Variants in SYNPR observed in about 807,000 individuals in gnomAD.
SYNPR encodes the protein synaptoporin.
SYNPR carries 23 observed loss-of-function variants against 32.9 expected under a neutral mutation model. That is an observed-to-expected ratio of 0.70 (90% CI 0.50 to 0.99). The LOEUF (loss-of-function observed/expected upper bound fraction) is 0.99. SYNPR is among the 50% of genes least tolerant of loss of function. The probability of loss-of-function intolerance (pLI) is 0.00; values close to 1 mark genes in which losing one functional copy is unlikely to be tolerated. For missense variants in SYNPR, 318 were observed against 349.3 expected (o/e 0.91, Z 0.71); for synonymous variants, 146 against 135.9 (o/e 1.07, Z -0.52).
intron 2 of SYNPR, among the ~76,000 whole-genome samples, chr3:63,476,147 AAGGGAGGGAGGGAGGGAGGGAGGGAGG>A (rs1700904281): frequency 5.4e-4 from 11 of 20,310 alleles, no homozygotes; most frequent in African/African-American, 3.1e-3. Context: ...GGAAGGAAGG[AAGGGAGGGAGGGAGGGAGGGAGGGAGG>A]GAAGGAAGGG....
At chr3:63,432,739 G>A (rs1374522191) in intron 2 of SYNPR, among the ~76,000 whole-genome samples, 1 of 152,182 alleles carries the variant, frequency 6.6e-6, no homozygotes, top group Non-Finnish European at 1.5e-5. Context: ...CCTGCAGGCA[G>A]CTTCTCTCAC....
intron 2 of SYNPR, among the ~76,000 whole-genome samples, chr3:63,451,545 C>CCTGTTA (rs1225254711): frequency 6.6e-6 from 1 of 152,064 alleles, no homozygotes; most frequent in Non-Finnish European, 1.5e-5. Flanking sequence ...TTCTTAAGAC[C>CCTGTTA]CTGTTACCCC....
At chr3:63,609,780 C>A (rs187810912) in intron 5 of SYNPR, among the ~76,000 whole-genome samples, 2 of 152,066 alleles carry the variant, frequency 1.3e-5, no homozygotes, top group African/African-American at 2.4e-5. Context: ...CACGGTGGCT[C>A]ATGCCTATAG....
chr3:63,515,195 C>G (rs981892892), intron 3 of SYNPR, among the ~76,000 whole-genome samples: 1 of 151,910 alleles, frequency 6.6e-6, no homozygotes, highest in African/African-American at 2.4e-5. Flanking sequence ...TGCTTTCAGC[C>G]TTCAAAACAT....
intron 2 of SYNPR, among the ~76,000 whole-genome samples, chr3:63,399,718 C>T (rs1392412494): frequency 1.3e-5 from 2 of 152,066 alleles, no homozygotes; most frequent in Non-Finnish European, 2.9e-5. Flanking sequence ...GTTATTGTGC[C>T]AAGTTTACTC....
chr3:63,209,727 T>C, the SYNPR span, among the ~76,000 whole-genome samples: 3 of 152,252 alleles, frequency 2.0e-5, no homozygotes, highest in African/African-American at 7.2e-5. Context: ...ATAATTTCTT[T>C]TTCAAGGAAG....
chr3:63,429,158 A>G (rs1038211810), intron 2 of SYNPR, among the ~76,000 whole-genome samples: 13 of 152,128 alleles, frequency 8.5e-5, no homozygotes, highest in African/African-American at 3.1e-4. Context: ...TGCCGGTGTA[A>G]CAAACAATGT....
intron 2 of SYNPR, among the ~76,000 whole-genome samples, chr3:63,439,318 A>G (rs1700130831): frequency 1.3e-5 from 2 of 152,214 alleles, no homozygotes; most frequent in Admixed American, 6.5e-5. Context: ...TCTATTTCTG[A>G]TAATCTAATA....
chr3:63,211,814 G>T, the SYNPR span, among the ~76,000 whole-genome samples: 10 of 111,514 alleles, frequency 9.0e-5, no homozygotes, highest in East Asian at 2.2e-4. Context: ...ACCCACTAAC[G>T]CATCATCTAG....
At chr3:63,464,979 T>C (rs967454059) in intron 2 of SYNPR, among the ~76,000 whole-genome samples, 1 of 152,212 alleles carries the variant, frequency 6.6e-6, no homozygotes, top group South Asian at 2.1e-4. Context: ...CTTATGTCTA[T>C]GCTCATTAGT....
At chr3:63,275,221 C>T (rs909482631), upstream of SYNPR, among the ~76,000 whole-genome samples, 13 of 152,174 alleles carry the variant, frequency 8.5e-5, no homozygotes, top group Non-Finnish European at 1.8e-4. Context: ...ATCATCTGTC[C>T]TATCTCCCCT....
intron 2 of SYNPR, among the ~76,000 whole-genome samples, chr3:63,466,369 C>G (rs371538929): frequency 6.6e-6 from 1 of 151,926 alleles, no homozygotes. Context: ...TTCATTCTTG[C>G]GGTGTCATTT....
chr3:63,301,812 G>A (rs1460148648), intron 2 of SYNPR, among the ~76,000 whole-genome samples: 2 of 151,964 alleles, frequency 1.3e-5, no homozygotes, highest in Non-Finnish European at 2.9e-5. Context: ...ATACTTCTGG[G>A]TTTTGTAAAG....
rs565666539 is a variant in SYNPR, at chr3:63,550,318, GCAA to G, written c.210-6222_210-6220del. ...AGTTCTTATATATAAGCTCTTTTAA[GCAA>G]CAGTTACATATACGTGTGTGTATAT... On this transcript the variant is annotated intron_variant, in intron 3 of 5. Transcript: ENST00000478300. Among the ~76,000 whole-genome samples the G allele has an allele frequency of 3.0e-4, 45 of 151,120 alleles. 1 individual carries two copies. The South Asian group carries it at 9.0e-3, about 30-fold the overall frequency.
At chr3:63,585,676 A>G (rs1427316632) in intron 4 of SYNPR, among the ~76,000 whole-genome samples, 1 of 152,116 alleles carries the variant, frequency 6.6e-6, no homozygotes, top group Non-Finnish European at 1.5e-5. Flanking sequence ...GGACAAGAAC[A>G]AAAGGGGAGA....
At chr3:63,261,065 A>T (rs571422571) in intron 2 of SYNPR, among the ~76,000 whole-genome samples, 67 of 152,264 alleles carry the variant, frequency 4.4e-4, no homozygotes, top group African/African-American at 1.6e-3. Context: ...GCCAGGAAAC[A>T]ACAGGTGCTG....
chr3:63,505,725 TA>T (rs1301443057), intron 3 of SYNPR, among the ~76,000 whole-genome samples: 1 of 152,208 alleles, frequency 6.6e-6, no homozygotes, highest in African/African-American at 2.4e-5. Context: ...CCTTTCACCC[TA>T]AGAAAGCAGG....
chr3:63,589,180 C>G (rs1703259233), intron 4 of SYNPR, among the ~76,000 whole-genome samples: 1 of 152,066 alleles, frequency 6.6e-6, no homozygotes, highest in Non-Finnish European at 1.5e-5. Context: ...TGAGAACCAT[C>G]CAAGGACAAA....
intron 2 of SYNPR, among the ~76,000 whole-genome samples, chr3:63,256,588 C>T (rs570293981): frequency 4.5e-4 from 68 of 152,218 alleles, no homozygotes; most frequent in African/African-American, 1.5e-3. Context: ...TCATCAAAGA[C>T]CAAATGTAGA....
Sources: gnomAD v4.1 joint callset for allele counts (sites outside exome capture counted in the v4.1 genomes callset) on GRCh38, gnomAD v4.1.1 for gene constraint, MANE v1.5 for transcripts, NCBI Gene and HGNC (gene_info 2026-07-23, HGNC 2026-07-21) for gene names.